The following SLC30A10 variants were observed in gnomAD, a reference collection of about 807,000 sequenced individuals.
SLC30A10 encodes the protein solute carrier family 30 member 10.
In SLC30A10, 8 loss-of-function variants were observed where a neutral mutation model predicts 21.7. That is an observed-to-expected ratio of 0.37 (90% confidence interval 0.22 to 0.67). SLC30A10 has a LOEUF of 0.67. SLC30A10 is among the 30% of genes least tolerant of loss of function. The pLI is 0.58. For synonymous variants in SLC30A10, 272 were observed against 279.4 expected (o/e 0.97, Z 0.26); for missense variants, 521 against 642.5 (o/e 0.81, Z 2.04).
chr1:219,939,221 G>A (rs1165757627), intron 1 of SLC30A10, among the ~76,000 whole-genome samples: 2 of 152,128 alleles, frequency 1.3e-5, no homozygotes, highest in Non-Finnish European at 2.9e-5. Context: ...TCAGAAGCAG[G>A]AAGGCAATAT....
At chr1:219,949,915 C>T (rs997448124) in intron 1 of SLC30A10, among the ~76,000 whole-genome samples, 4 of 152,086 alleles carry the variant, frequency 2.6e-5, no homozygotes, top group Non-Finnish European at 4.4e-5. Flanking sequence ...ATAATGTCTC[C>T]ATCTTGTAAA....
chr1:219,925,651 A>ATATATATATATATATATATATATTTT (rs1317554458), intron 2 of SLC30A10, among the ~76,000 whole-genome samples: 2 of 48,276 alleles, frequency 4.1e-5, no homozygotes, highest in African/African-American at 2.3e-4. Context: ...ATATATATAT[A>ATATATATATATATATATATATATTTT]TTTTTTTTTT....
At chr1:219,934,908 T>C (rs1036332144) in intron 1 of SLC30A10, among the ~76,000 whole-genome samples, 1 of 152,198 alleles carries the variant, frequency 6.6e-6, no homozygotes, top group East Asian at 1.9e-4. Context: ...AGAAACCCTG[T>C]GCTTGGGGTT....
chr1:219,911,911 G>A lies in SLC30A10; in HGVS notation c.*3538C>T, dbSNP rs539956998. On this transcript the variant is annotated 3_prime_UTR_variant, in exon 4 of 4. Transcript: ENST00000366926. ...GACAGTACCGGCATTTATGCATAGC[G>A]GTCAGGGGTGCAGCTAAACATCCTA... is the stretch of plus-strand genomic sequence containing the variant. Among the ~76,000 whole-genome samples the A allele has an allele frequency of 1.2e-4, 18 of 152,000 alleles. No homozygotes were observed. Among genetic ancestry groups the A allele is most frequent in the East Asian group, 7.8e-4 (4 of 5,158 alleles).
At chr1:219,952,866 A>G (rs1402936897) in intron 1 of SLC30A10, among the ~76,000 whole-genome samples, 1 of 152,348 alleles carries the variant, frequency 6.6e-6, no homozygotes, top group East Asian at 1.9e-4. Context: ...TGGTTTCACA[A>G]ATGTGAAATA....
chr1:219,952,398 T>C (rs1291089595), intron 1 of SLC30A10, among the ~76,000 whole-genome samples: 1 of 152,230 alleles, frequency 6.6e-6, no homozygotes. Context: ...ACTTATGGTA[T>C]GTTCATTTGC....
At chr1:219,942,324 A>C (rs1354727760) in intron 1 of SLC30A10, among the ~76,000 whole-genome samples, 2 of 152,218 alleles carry the variant, frequency 1.3e-5, no homozygotes, top group Non-Finnish European at 2.9e-5. Flanking sequence ...ATGTTATAAG[A>C]GACAAAACTG....
At chr1:219,923,705 C>T (rs538248921) in intron 2 of SLC30A10, among the ~76,000 whole-genome samples, 21 of 152,202 alleles carry the variant, frequency 1.4e-4, no homozygotes, top group Admixed American at 2.6e-4. Context: ...CATTGATGAG[C>T]ATTTTAAGAG....
intron 1 of SLC30A10, among the ~76,000 whole-genome samples, chr1:219,947,812 C>CAAT (rs966589697): frequency 8.9e-4 from 135 of 151,974 alleles, no homozygotes; most frequent in African/African-American, 3.1e-3. Flanking sequence ...CCTGGGCAAC[C>CAAT]AATAAGAGAG....
chr1:219,948,166 C>G (rs1443760470), intron 1 of SLC30A10, among the ~76,000 whole-genome samples: 4 of 151,076 alleles, frequency 2.6e-5, no homozygotes, highest in African/African-American at 7.3e-5. Flanking sequence ...GAATCAATAT[C>G]ATGAAAATGG....
At chr1:219,938,010 G>A (rs898946680) in intron 1 of SLC30A10, among the ~76,000 whole-genome samples, 1 of 151,954 alleles carries the variant, frequency 6.6e-6, no homozygotes, top group African/African-American at 2.4e-5. Flanking sequence ...CTGTCACCTG[G>A]GGTAATTATT....
Position 219,918,478 on chromosome 1 carries a change from C to T in SLC30A10, c.735G>A (p.Val245=). The T allele has an allele frequency of 6.2e-7, 1 of 1,603,128 alleles. No homozygotes were observed. The highest frequency in any genetic ancestry group is 8.5e-7 in the Non-Finnish European group (1 of 1,172,480). ...ALNIRGVLLH[V]MGDALGSVVV... is the part of the protein sequence containing the mutation. ...CCACGGACCCCAGGGCATCTCCCAT[C>T]ACATGCAAAAGTACACCTGCCAGGA... Residue 245 remains valine, a synonymous_variant, in exon 3 of 4, where the codon GTG becomes GTA. Transcript: ENST00000366926. The surrounding 1 kb of genome is among the most constrained non-coding windows in gnomAD (Gnocchi z 4.4).
chr1:219,923,628 A>G (rs868647405), intron 2 of SLC30A10, among the ~76,000 whole-genome samples: 1 of 152,268 alleles, frequency 6.6e-6, no homozygotes, highest in Admixed American at 6.5e-5. Flanking sequence ...TCTTTCTGAC[A>G]TATTGTTACA....
intron 1 of SLC30A10, among the ~76,000 whole-genome samples, chr1:219,949,965 T>G (rs1246961685): frequency 2.6e-5 from 4 of 152,124 alleles, no homozygotes; most frequent in Non-Finnish European, 5.9e-5. Context: ...AAGCTTACTT[T>G]CACCCTACCT....
rs1659477268 is a variant in SLC30A10, at chr1:219,914,165, C to T, written c.*1284G>A. ...AGATGATACTAGTTGTCTAGTGAGG[C>T]ACTTCCCATTTTCTCATACCTGTGA... On this transcript the variant is annotated 3_prime_UTR_variant, in exon 4 of 4. Transcript: ENST00000366926. 2 of 152,180 alleles carry T rather than the reference C, an allele frequency of 1.3e-5. No homozygotes were observed. The highest frequency in any genetic ancestry group is 1.3e-4 in the Admixed American group (2 of 15,280). 9.4% of individuals were successfully genotyped at this position (152,180 alleles called of 1,614,324 possible).
intron 3 of SLC30A10, 115 bp from the exon 4 acceptor site, chr1:219,916,063 A>C: frequency 7.5e-7 from 1 of 1,326,612 alleles, no homozygotes; most frequent in Non-Finnish European, 1.0e-6. Flanking sequence ...CCTACTTACT[A>C]CGAACAGCTG....
At chr1:219,928,984 C>A (rs958813727), upstream of SLC30A10, among the ~76,000 whole-genome samples, 3 of 152,204 alleles carry the variant, frequency 2.0e-5, no homozygotes, top group Non-Finnish European at 4.4e-5. This position sits in a 1 kb window ranked among gnomAD's most constrained non-coding sequence, Gnocchi z 6.3. Context: ...AGGCACCTTG[C>A]GGTGCAGATT....
intron 1 of SLC30A10, among the ~76,000 whole-genome samples, chr1:219,953,608 A>T (rs1660303146): frequency 6.6e-6 from 1 of 151,868 alleles, no homozygotes; most frequent in Non-Finnish European, 1.5e-5. Flanking sequence ...GTCTCAAAAA[A>T]AAAAGAAAAA....
intron 1 of SLC30A10, among the ~76,000 whole-genome samples, chr1:219,941,073 G>A (rs942096580): frequency 5.9e-5 from 9 of 152,168 alleles, no homozygotes; most frequent in African/African-American, 9.7e-5. Context: ...ACCAGCTTAC[G>A]AACTTGATTA....
Sources: allele counts gnomAD v4.1 joint callset (sites outside exome capture counted in the v4.1 genomes callset), GRCh38; gene constraint gnomAD v4.1.1; non-coding constraint Gnocchi (gnomAD v3.1); transcripts MANE v1.5; gene names NCBI Gene and HGNC (gene_info 2026-07-23, HGNC 2026-07-21).